Variants in IQGAP2 observed in about 807,000 individuals in gnomAD.
IQGAP2 encodes IQ motif containing GTPase activating protein 2.
IQGAP2 carries 173 observed loss-of-function variants against 201.3 expected under a neutral mutation model. The ratio of observed to expected loss-of-function variants is 0.86; its 90% CI spans 0.76 to 0.98. The LOEUF (loss-of-function observed/expected upper bound fraction) is 0.98. Ranked by LOEUF, IQGAP2 falls within the 50% of genes least tolerant of loss-of-function variation. The pLI is 0.00. For missense variants in IQGAP2, 1,687 were observed against 1,864.8 expected (o/e 0.90, Z 1.76); for synonymous variants, 675 against 673.9 (o/e 1.00, Z -0.03).
chr5:76,627,478 G>C lies in IQGAP2; in HGVS notation c.1590G>C (p.Val530=). 6.3e-7 allele frequency: 1 copy of C among 1,589,430 alleles called. No individual in the cohort carries two copies. The highest frequency in any genetic ancestry group is 8.6e-7 in the Non-Finnish European group (1 of 1,157,722). ...AGCAAGCCGTCGATGATGCCAACGT[G>C]GACAAGGACAGAGCAAAACAATGTA... is the stretch of plus-strand genomic sequence containing the variant. ...EIQQAVDDAN[V]DKDRAKQWVT... The change falls in exon 14 of 36, where the codon GTG becomes GTC. Residue 530 remains valine (V), a synonymous_variant. Transcript: ENST00000274364.
At chr5:76,481,729 A>G (rs749231013) in intron 2 of IQGAP2, among the ~76,000 whole-genome samples, 1 of 152,220 alleles carries the variant, frequency 6.6e-6, no homozygotes, top group Non-Finnish European at 1.5e-5. Flanking sequence ...CCTTTATTTT[A>G]TACTAAGTCT....
chr5:76,662,535 A>G (rs1452324727), intron 21 of IQGAP2, among the ~76,000 whole-genome samples: 2 of 152,264 alleles, frequency 1.3e-5, no homozygotes, highest in Admixed American at 6.5e-5. Context: ...ATTATAGGTA[A>G]CAAGACTTTC....
intron 2 of IQGAP2, among the ~76,000 whole-genome samples, chr5:76,506,983 C>T (rs1389578795): frequency 6.6e-6 from 1 of 152,120 alleles, no homozygotes. Context: ...AATCAAAATC[C>T]CAGCAAATAA....
At chr5:76,512,799 G>A (rs1758058647) in intron 2 of IQGAP2, among the ~76,000 whole-genome samples, 1 of 152,256 alleles carries the variant, frequency 6.6e-6, no homozygotes, top group African/African-American at 2.4e-5. Flanking sequence ...GCTCACGCCT[G>A]TAATCCCAGC....
intron 2 of IQGAP2, among the ~76,000 whole-genome samples, chr5:76,504,429 T>C (rs1561422179): frequency 6.6e-6 from 1 of 152,178 alleles, no homozygotes; most frequent in Non-Finnish European, 1.5e-5. Flanking sequence ...TCCCTCCATT[T>C]GTGTTACTCT....
intron 1 of IQGAP2, among the ~76,000 whole-genome samples, chr5:76,423,872 A>G (rs187284521): frequency 6.6e-6 from 1 of 152,344 alleles, no homozygotes; most frequent in Non-Finnish European, 1.5e-5. Context: ...AAGTGTATTC[A>G]GCACATTCTG....
chr5:76,628,227 T>C (rs1750414692), intron 14 of IQGAP2, among the ~76,000 whole-genome samples: 1 of 152,216 alleles, frequency 6.6e-6, no homozygotes, highest in African/African-American at 2.4e-5. Flanking sequence ...AATCAGACTT[T>C]TGGGAATTAG....
intron 2 of IQGAP2, among the ~76,000 whole-genome samples, chr5:76,488,905 C>A (rs772607362): frequency 2.0e-5 from 3 of 152,166 alleles, no homozygotes; most frequent in Admixed American, 2.0e-4. Context: ...AAGCACCCGG[C>A]TGAGTTGTCC....
At chr5:76,693,598 A>G (rs151228432) in intron 31 of IQGAP2, among the ~76,000 whole-genome samples, 156 bp downstream of exon 31, 169 of 152,350 alleles carry the variant, frequency 1.1e-3, no homozygotes, top group African/African-American at 3.4e-3. Context: ...GTTCAGCCAT[A>G]TATAAACCTG....
At chr5:76,546,193 T>C (rs746755295) in intron 2 of IQGAP2, among the ~76,000 whole-genome samples, 1 of 152,184 alleles carries the variant, frequency 6.6e-6, no homozygotes, top group African/African-American at 2.4e-5. Flanking sequence ...CCCAGCACTT[T>C]GGGAGGCCGA....
chr5:76,532,560 G>A (rs1759375183), intron 2 of IQGAP2, among the ~76,000 whole-genome samples: 1 of 152,058 alleles, frequency 6.6e-6, no homozygotes, highest in South Asian at 2.1e-4. Flanking sequence ...CTGTAGGCGT[G>A]GTCAAGGTTT....
intron 13 of IQGAP2, chr5:76,618,377 C>A: frequency 6.2e-7 from 1 of 1,614,104 alleles, no homozygotes; most frequent in Non-Finnish European, 8.5e-7. Flanking sequence ...CAGCATTGGC[C>A]GGGACACCAA....
chr5:76,655,123 T>G (rs930363964), intron 20 of IQGAP2, 120 bp downstream of exon 20: 1 of 670,468 alleles, frequency 1.5e-6, no homozygotes, highest in Non-Finnish European at 2.6e-6. Context: ...TTGTTTCCAG[T>G]AGATTTTGAT....
In IQGAP2 at chr5:76,707,216, A is replaced by G; in HGVS notation, c.4631A>G (p.Gln1544Arg). The G allele has an allele frequency of 1.4e-6, 2 of 1,451,718 alleles. No homozygotes were observed. The highest frequency in any genetic ancestry group is 1.9e-6 in the Non-Finnish European group (2 of 1,033,256). 89.9% of individuals were successfully genotyped at this position (1,451,718 alleles called of 1,614,324 possible). The change falls in exon 36 of 36, where the codon CAA becomes CGA. Residue 1544 changes from glutamine to arginine, a missense_variant. Transcript: ENST00000274364. ...CAATTTCAGGATTTACTTCAGATGCAATATGAAGGAGTAGCTGTAATGAAA... is the reference window on the plus strand; with the variant it reads ...CAATTTCAGGATTTACTTCAGATGCGATATGAAGGAGTAGCTGTAATGAAA... ...QLNIQDLLQM[Q>R]YEGVAVMKMF...
intron 10 of IQGAP2, among the ~76,000 whole-genome samples, chr5:76,600,534 T>C (rs1414252838): frequency 1.3e-5 from 2 of 152,184 alleles, no homozygotes; most frequent in East Asian, 3.9e-4. Context: ...CCAGTATAGC[T>C]AGGAGTAGGG....
intron 1 of IQGAP2, among the ~76,000 whole-genome samples, chr5:76,435,941 T>C (rs368836529): frequency 3.3e-4 from 49 of 149,646 alleles, no homozygotes; most frequent in Middle Eastern, 3.4e-3. Flanking sequence ...TTTTTGTTTG[T>C]TTGTTTGTTT....
chr5:76,466,098 G>A (rs7727651), intron 2 of IQGAP2, among the ~76,000 whole-genome samples: 33,565 of 151,968 alleles, frequency 0.22, 4,043 homozygotes, highest in Middle Eastern at 0.31. Context: ...CACTTTGGGA[G>A]GCTGAGATGG....
intron 2 of IQGAP2, among the ~76,000 whole-genome samples, chr5:76,513,931 G>A (rs1758141539): frequency 6.6e-6 from 1 of 151,828 alleles, no homozygotes. Context: ...ATGGGCATAG[G>A]TGAGGGGCTA....
rs865809075 is a variant in IQGAP2 at position 76,631,893 on chromosome 5, G to A, written c.1647G>A (p.Leu549=). Reference sequence around the variant, plus strand: ...TGGTGGTTGATGTTAATCAGTGTTTGGAAGGAAAAAAATCAAGTGATATTT... The same window carrying A: ...TGGTGGTTGATGTTAATCAGTGTTTAGAAGGAAAAAAATCAAGTGATATTT... ...VTLVVDVNQC[L]EGKKSSDILS... is the part of the protein sequence containing the mutation. The change falls in exon 15 of 36, where the codon TTG becomes TTA. Residue 549 remains leucine (L), a synonymous_variant. Coordinates refer to ENST00000274364, the MANE Select transcript of IQGAP2 (RefSeq NM_006633.5). The A allele has an allele frequency of 6.8e-6, 11 of 1,608,238 alleles. No individual in the cohort carries two copies. Among genetic ancestry groups the A allele is most frequent in the Middle Eastern group, 3.3e-4 (2 of 6,026 alleles).
Sources: gnomAD v4.1 joint callset for allele counts (sites outside exome capture counted in the v4.1 genomes callset) on GRCh38, gnomAD v4.1.1 for gene constraint, MANE v1.5 for transcripts, NCBI Gene and HGNC (gene_info 2026-07-23, HGNC 2026-07-21) for gene names.